TYR: variants seen among roughly 807,000 people sequenced by gnomAD.
TYR encodes LB24-AB.
TYR carries 58 observed loss-of-function variants against 51.5 expected under a neutral mutation model. That is an observed-to-expected ratio of 1.13 (90% confidence interval 0.91 to 1.40). The LOEUF is 1.40. Among genes scored for constraint, TYR ranks in the 40% most tolerant of loss-of-function variants. The pLI is 0.00. For missense variants in TYR, 732 were observed against 647.4 expected (o/e 1.13, Z -1.42); for synonymous variants, 263 against 235.2 (o/e 1.12, Z -1.08).
intron 2 of TYR, chr11:89,192,075 T>C: frequency 2.4e-6 from 1 of 420,580 alleles, no homozygotes; most frequent in Admixed American, 2.8e-5. Flanking sequence ...AGCACATAGG[T>C]AAAGCCTCCC....
chr11:89,187,303 T>G (rs928992679), intron 1 of TYR, among the ~76,000 whole-genome samples: 3 of 152,020 alleles, frequency 2.0e-5, no homozygotes, highest in Non-Finnish European at 4.4e-5. Flanking sequence ...GAGGAAGAGC[T>G]AGTAGGACAC....
chr11:89,212,269 C>T (rs556861136), intron 2 of TYR, among the ~76,000 whole-genome samples: 2 of 152,156 alleles, frequency 1.3e-5, no homozygotes, highest in South Asian at 4.2e-4. Flanking sequence ...CCACTGATCC[C>T]CCAGAAATAC....
At chr11:89,221,130 A>C (rs1242243403) in intron 2 of TYR, among the ~76,000 whole-genome samples, 4 of 152,224 alleles carry the variant, frequency 2.6e-5, no homozygotes, top group Non-Finnish European at 4.4e-5. Context: ...AGAACTGGTT[A>C]ACACACACGA....
In TYR at chr11:89,244,706, A is replaced by G. The variant is rs536259583; in HGVS notation, c.1184+16736A>G. Among the ~76,000 whole-genome samples, 5 of 152,280 alleles carry G rather than the reference A, an allele frequency of 3.3e-5. 1 individual carries two copies. The South Asian group carries it at 1.0e-3, about 32-fold the overall frequency. ...AATATTTCCTTCTTTGCACATTCCC[A>G]TTCAAGAATGGCTTATACAGAAAAA... On this transcript the variant is annotated intron_variant, in intron 3 of 4. Coordinates refer to ENST00000263321, the MANE Select transcript of TYR (RefSeq NM_000372.5).
intron 2 of TYR, among the ~76,000 whole-genome samples, chr11:89,195,967 G>A (rs1943514260): frequency 1.3e-5 from 2 of 152,092 alleles, no homozygotes; most frequent in African/African-American, 4.8e-5. Flanking sequence ...TTGGTTAAAA[G>A]TAATCAAACT....
intron 4 of TYR, among the ~76,000 whole-genome samples, chr11:89,293,397 G>T (rs188895093): frequency 2.0e-5 from 3 of 149,700 alleles, no homozygotes; most frequent in African/African-American, 7.4e-5. Context: ...TAGGATAAAC[G>T]CAAGTTCTGA....
chr11:89,290,265 T>C (rs1944840191), intron 4 of TYR, among the ~76,000 whole-genome samples: 1 of 151,908 alleles, frequency 6.6e-6, no homozygotes. Flanking sequence ...AAGTCTGAAT[T>C]TGAAGGATGT....
chr11:89,279,084 C>T (rs1005625061), intron 3 of TYR, among the ~76,000 whole-genome samples: 21 of 151,576 alleles, frequency 1.4e-4, no homozygotes, highest in African/African-American at 5.1e-4. Flanking sequence ...AAAATGTACC[C>T]CAAAGTATGG....
rs117257837 is a variant in TYR at position 89,216,790 on chromosome 11, T to G, written c.1037-11033T>G. 1.0e-3 allele frequency among the ~76,000 whole-genome samples: 152 copies of G among 152,244 alleles called. 2 individuals carry two copies. In the East Asian group the frequency reaches 0.029, roughly 29 times the overall value. On this transcript the variant is annotated intron_variant, in intron 2 of 4. Transcript: ENST00000263321. ...ATTCTGTCATCCTTAACTCACAGCT[T>G]CCATCTCTTGATCTTCATCCTGTTT...
intron 4 of TYR, among the ~76,000 whole-genome samples, chr11:89,286,167 G>T (rs1468408705): frequency 6.6e-6 from 1 of 151,728 alleles, no homozygotes; most frequent in African/African-American, 2.4e-5. Context: ...ACTTTTGAAG[G>T]GTTCAACCTA....
intron 1 of TYR, among the ~76,000 whole-genome samples, chr11:89,182,813 T>C (rs900421142): frequency 3.9e-5 from 6 of 152,098 alleles, no homozygotes; most frequent in Admixed American, 1.3e-4. Flanking sequence ...ACAGATCAGC[T>C]AGCTACAAAA....
intron 3 of TYR, among the ~76,000 whole-genome samples, chr11:89,273,821 G>C (rs756723906): frequency 3.3e-5 from 5 of 151,674 alleles, no homozygotes; most frequent in African/African-American, 7.3e-5. Context: ...TTCTTTTAAG[G>C]CTTCTTCCCT....
Position 89,207,717 on chromosome 11 carries a change from G to A in TYR, c.1036+16299G>A, listed in dbSNP as rs563078907. 1.2e-4 allele frequency among the ~76,000 whole-genome samples: 19 copies of A among 152,130 alleles called. 1 individual carries two copies. The South Asian group carries it at 3.5e-3, about 28-fold the overall frequency. ...ATGTAAAAATTCTTAAAATATTGAC[G>A]AATATAATTCAGCTGCATATAAAAA... On this transcript the variant is annotated intron_variant, in intron 2 of 4. Coordinates refer to ENST00000263321, the MANE Select transcript of TYR (RefSeq NM_000372.5).
chr11:89,235,561 G>A (rs1285051927), intron 3 of TYR, among the ~76,000 whole-genome samples: 4 of 152,066 alleles, frequency 2.6e-5, no homozygotes, highest in Non-Finnish European at 4.4e-5. Flanking sequence ...AGTGAAATAA[G>A]CCATGCACAG....
chr11:89,285,961 A>C lies in TYR; in HGVS notation c.1366+1007A>C, dbSNP rs202045644. On this transcript the variant is annotated intron_variant, in intron 4 of 4. Transcript: ENST00000263321. ...ATACATAAATAAATAAATATATAAA[A>C]TAAACGAATGAAACTCAACCCTCTC... is the stretch of plus-strand genomic sequence containing the variant. Among the ~76,000 whole-genome samples the C allele has an allele frequency of 7.2e-5, 11 of 152,028 alleles. No individual in the cohort carries two copies. In the East Asian group the frequency reaches 2.1e-3, roughly 30 times the overall value.
At chr11:89,191,134 C>T in intron 1 of TYR, 68 bp from the exon 2 acceptor site, 1 of 1,423,642 alleles carries the variant, frequency 7.0e-7, no homozygotes, top group Non-Finnish European at 9.9e-7. Flanking sequence ...GGAGTTCCAA[C>T]ATTTCTGCCT....
chr11:89,188,083 A>G (rs1943399952), intron 1 of TYR, among the ~76,000 whole-genome samples: 1 of 149,668 alleles, frequency 6.7e-6, no homozygotes, highest in Non-Finnish European at 1.5e-5. Flanking sequence ...AAAAAATATA[A>G]TAAGTTATAT....
At chr11:89,278,496 A>G (rs1335161284) in intron 3 of TYR, among the ~76,000 whole-genome samples, 6 of 151,698 alleles carry the variant, frequency 4.0e-5, no homozygotes, top group Non-Finnish European at 8.9e-5. Flanking sequence ...TGTGTATGTA[A>G]GTTTTTTTTG....
At chr11:89,215,071 CT>C (rs1943814346) in intron 2 of TYR, among the ~76,000 whole-genome samples, 1 of 151,970 alleles carries the variant, frequency 6.6e-6, no homozygotes, top group African/African-American at 2.4e-5. Flanking sequence ...AAGGAACTTG[CT>C]ATTAAAATAT....
Sources: gnomAD v4.1 joint callset for allele counts (sites outside exome capture counted in the v4.1 genomes callset) on GRCh38, gnomAD v4.1.1 for gene constraint, MANE v1.5 for transcripts, NCBI Gene and HGNC (gene_info 2026-07-23, HGNC 2026-07-21) for gene names.